C2orf76: variants seen among roughly 807,000 people sequenced by gnomAD.
C2orf76 encodes chromosome 2 open reading frame 76.
Under a neutral mutation model 16.9 loss-of-function variants are expected in C2orf76, and 23 were observed. The observed-to-expected ratio is 1.36, with a 90% CI of 0.98 to 1.93. C2orf76 has a LOEUF of 1.93. Among genes scored for constraint, C2orf76 ranks in the 30% most tolerant of loss-of-function variants. The pLI is 0.00. For synonymous variants in C2orf76, 48 were observed against 52.3 expected (o/e 0.92, Z 0.35); for missense variants, 152 against 152.6 (o/e 1.00, Z 0.02).
chr2:119,309,377 CTTTTCTTTTTTTCTCTTTTTCTTTT>C (rs1298678307), intron 5 of C2orf76, among the ~76,000 whole-genome samples: 11 of 132,416 alleles, frequency 8.3e-5, no homozygotes, highest in African/African-American at 3.0e-4. Flanking sequence ...AGGCTAGTAA[CTTTTCTTTTTTTCTCTTTTTCTTTT>C]TTTTTTTTTT....
At chr2:119,341,164 A>AT (rs1161624014) in intron 1 of C2orf76, among the ~76,000 whole-genome samples, 3 of 151,834 alleles carry the variant, frequency 2.0e-5, no homozygotes, top group South Asian at 2.1e-4. Context: ...CACTTTCTAT[A>AT]TTTTTTTTAA....
At chr2:119,347,637 C>T (rs886510878) in intron 1 of C2orf76, among the ~76,000 whole-genome samples, 4 of 151,810 alleles carry the variant, frequency 2.6e-5, no homozygotes, top group African/African-American at 7.3e-5. Context: ...CTTAGGAGGC[C>T]GAGGCAGGAG....
chr2:119,355,935 C>T (rs564569934), intron 1 of C2orf76, among the ~76,000 whole-genome samples: 115 of 152,318 alleles, frequency 7.5e-4, no homozygotes, highest in African/African-American at 2.7e-3. Flanking sequence ...CCACATCCTG[C>T]ACCACAGGAA....
intron 1 of C2orf76, among the ~76,000 whole-genome samples, chr2:119,357,595 AC>A (rs1680610484): frequency 7.2e-6 from 1 of 139,776 alleles, no homozygotes; most frequent in Admixed American, 7.1e-5. Flanking sequence ...CAAAAAACAA[AC>A]CAAAAAAAAA....
chr2:119,332,698 C>T (rs1365128178), intron 2 of C2orf76, among the ~76,000 whole-genome samples: 1 of 152,126 alleles, frequency 6.6e-6, no homozygotes, highest in Non-Finnish European at 1.5e-5. Flanking sequence ...TACTCTCGTT[C>T]CAAAGACTAA....
In C2orf76 at chr2:119,311,513, G is replaced by C. The variant is rs112843164; in HGVS notation, c.304+109C>G. 788 of 1,472,436 alleles carry C rather than the reference G, an allele frequency of 5.4e-4. 15 individuals carry two copies. The South Asian group carries it at 7.0e-3, about 13-fold the overall frequency. 91.2% of individuals were successfully genotyped at this position (1,472,436 alleles called of 1,614,324 possible). A position where few individuals can be genotyped will look rare whatever the true frequency, so the allele number is the denominator to read the frequency against. On this transcript the variant is annotated intron_variant, in intron 5 of 5. Transcript: ENST00000334816. ...AACAGTTACCGGGCAGTGTCAGGGG[G>C]ACCAAGGACAGCATTTACTTTCCAG... is the stretch of plus-strand genomic sequence containing the variant.
intron 2 of C2orf76, among the ~76,000 whole-genome samples, chr2:119,329,101 T>A (rs1679595616): frequency 6.6e-6 from 1 of 152,198 alleles, no homozygotes; most frequent in Non-Finnish European, 1.5e-5. Flanking sequence ...ATTCAGTTGA[T>A]TGGGTTGCTA....
In C2orf76 at chr2:119,342,718, A is replaced by G. The variant is rs1010817256; in HGVS notation, c.-12-2747T>C. Among the ~76,000 whole-genome samples the G allele has an allele frequency of 3.9e-5, 6 of 152,088 alleles. No individual in the cohort carries two copies. In the East Asian group the frequency reaches 1.2e-3, roughly 29 times the overall value. ...TTGGGGCTTCAATTATATTAGTAACATTTTATATCTTAAGCAGATGTTAGG... is the reference window on the plus strand; with the variant it reads ...TTGGGGCTTCAATTATATTAGTAACGTTTTATATCTTAAGCAGATGTTAGG... On this transcript the variant is annotated intron_variant, in intron 1 of 5. Coordinates refer to ENST00000334816, the MANE Select transcript of C2orf76 (RefSeq NM_001322331.2).
intron 2 of C2orf76, among the ~76,000 whole-genome samples, chr2:119,327,504 G>A (rs1320606245): frequency 6.6e-6 from 1 of 151,924 alleles, no homozygotes; most frequent in Non-Finnish European, 1.5e-5. Flanking sequence ...TGGGTCACGG[G>A]GGTAGATCCC....
the C2orf76 span, among the ~76,000 whole-genome samples, chr2:119,289,922 TTC>T: frequency 6.6e-6 from 1 of 151,982 alleles, no homozygotes; most frequent in African/African-American, 2.4e-5. Context: ...CTGGTTTTTA[TTC>T]TGTCTGCTGC....
At chr2:119,304,984 C>T (rs935252198) in intron 5 of C2orf76, among the ~76,000 whole-genome samples, 1 of 152,182 alleles carries the variant, frequency 6.6e-6, no homozygotes, top group Non-Finnish European at 1.5e-5. Flanking sequence ...GATGAACCCT[C>T]AGGAAGTCTA....
intron 1 of C2orf76, among the ~76,000 whole-genome samples, chr2:119,359,102 G>A (rs538674552): frequency 1.3e-5 from 2 of 152,148 alleles, no homozygotes; most frequent in South Asian, 4.2e-4. Flanking sequence ...AAAATCTTAG[G>A]GCCCTTAAGA....
At chr2:119,309,357 T>G (rs56375738) in intron 5 of C2orf76, among the ~76,000 whole-genome samples, 46,501 of 150,376 alleles carry the variant, frequency 0.31, 7,648 homozygotes, top group Non-Finnish European at 0.38. Context: ...CAAGGGCTCT[T>G]TATAAAGTCA....
At chr2:119,296,757 G>A in the C2orf76 span, among the ~76,000 whole-genome samples, 2 of 152,194 alleles carry the variant, frequency 1.3e-5, no homozygotes, top group South Asian at 4.1e-4. Flanking sequence ...CCCAACTCGT[G>A]GGACCAGGGC....
At chr2:119,311,316 A>G (rs2104546536) in intron 5 of C2orf76, 2 of 985,444 alleles carry the variant, frequency 2.0e-6, no homozygotes, top group African/African-American at 1.7e-5. Context: ...AGTGACAATG[A>G]TAAGAGTAAG....
the C2orf76 span, among the ~76,000 whole-genome samples, chr2:119,281,803 C>T: frequency 6.6e-6 from 1 of 152,108 alleles, no homozygotes. Flanking sequence ...GAGAGGGAAG[C>T]AAGTGAAGTC....
At chr2:119,358,645 T>C (rs993162645) in intron 1 of C2orf76, among the ~76,000 whole-genome samples, 1 of 149,382 alleles carries the variant, frequency 6.7e-6, no homozygotes, top group Non-Finnish European at 1.5e-5. Context: ...GTGCTCTGGA[T>C]AGAAGGCCAG....
At chr2:119,302,685 T>C (rs1178587717) in intron 5 of C2orf76, 137 bp from the exon 6 acceptor site, 7 of 442,520 alleles carry the variant, frequency 1.6e-5, no homozygotes, top group Admixed American at 8.4e-5. Flanking sequence ...GAGTTATTTG[T>C]TGGGTCGCAC....
At chr2:119,312,871 C>CA (rs1320331069) in intron 4 of C2orf76, among the ~76,000 whole-genome samples, 1 of 151,738 alleles carries the variant, frequency 6.6e-6, no homozygotes, top group Non-Finnish European at 1.5e-5. Context: ...ATTAAAAATA[C>CA]AAAAAAATTA....
Sources: gnomAD v4.1 joint callset for allele counts (sites outside exome capture counted in the v4.1 genomes callset) on GRCh38, gnomAD v4.1.1 for gene constraint, MANE v1.5 for transcripts, NCBI Gene and HGNC (gene_info 2026-07-23, HGNC 2026-07-21) for gene names.